The following ADGRV1 variants were observed in gnomAD, a reference collection of about 807,000 sequenced individuals.
The protein encoded by ADGRV1 is G-protein coupled receptor 98.
In ADGRV1, 359 loss-of-function variants were observed where a neutral mutation model predicts 596.2. That is an observed-to-expected ratio of 0.60 (90% confidence interval 0.55 to 0.66). The LOEUF (loss-of-function observed/expected upper bound fraction) is 0.66. Among genes scored for constraint, ADGRV1 ranks in the 30% least tolerant of loss-of-function variants. The pLI, the probability that ADGRV1 is intolerant of heterozygous loss-of-function variation, is 0.00. For missense variants in ADGRV1, 7,274 were observed against 7,575.6 expected, an observed-to-expected ratio of 0.96 and a Z score of 1.48; for synonymous variants, 2,681 against 2,679.2, an observed-to-expected ratio of 1.00 and a Z score of -0.02.
intron 17 of ADGRV1, among the ~76,000 whole-genome samples, chr5:90,651,019 A>G (rs1768531181): frequency 6.6e-6 from 1 of 152,158 alleles, no homozygotes; most frequent in African/African-American, 2.4e-5. Context: ...GTGCCAATAT[A>G]CTGTGCAAAG....
chr5:91,098,585 G>A (rs1258849281), intron 86 of ADGRV1, among the ~76,000 whole-genome samples: 1 of 152,164 alleles, frequency 6.6e-6, no homozygotes. Context: ...TGGAAGGCAA[G>A]CCTGGGATCT....
intron 83 of ADGRV1, among the ~76,000 whole-genome samples, chr5:90,948,956 A>G (rs1776834737): frequency 6.6e-6 from 1 of 152,122 alleles, no homozygotes; most frequent in South Asian, 2.1e-4. Context: ...CAGCTTTATT[A>G]ACACTAGCAT....
rs983149548 is a variant in ADGRV1 at position 90,620,625 on chromosome 5, T to G, written c.453+1444T>G. 6.6e-5 allele frequency among the ~76,000 whole-genome samples: 10 copies of G among 152,070 alleles called. No homozygotes were observed. In the South Asian group the frequency reaches 8.3e-4, roughly 13 times the overall value. The stretch of plus-strand genomic sequence containing the variant: ...AATTAGATCCCATTTGTCAATTTTG[T>G]CTTTTGTTGCCATTGCTTTTGGTGT... On this transcript the variant is annotated intron_variant, in intron 4 of 89. Coordinates refer to ENST00000405460, the MANE Select transcript of ADGRV1 (RefSeq NM_032119.4).
chr5:90,870,541 G>T (rs572802520), intron 83 of ADGRV1, among the ~76,000 whole-genome samples: 1 of 152,308 alleles, frequency 6.6e-6, no homozygotes, highest in South Asian at 2.1e-4. Context: ...ATCATGAGGA[G>T]ATTAGTCCTC....
At chr5:91,118,038 A>G (rs1793003861) in intron 87 of ADGRV1, among the ~76,000 whole-genome samples, 1 of 152,160 alleles carries the variant, frequency 6.6e-6, no homozygotes, top group South Asian at 2.1e-4. Context: ...TCTTAGCAAT[A>G]ATAATAATTT....
intron 87 of ADGRV1, among the ~76,000 whole-genome samples, chr5:91,137,483 G>GA (rs1443694127): frequency 3.3e-5 from 5 of 152,272 alleles, no homozygotes; most frequent in Admixed American, 3.3e-4. Context: ...TATTTTAACT[G>GA]AGTGTAGCTC....
At chr5:90,871,564 C>T (rs1768685771) in intron 83 of ADGRV1, among the ~76,000 whole-genome samples, 1 of 152,192 alleles carries the variant, frequency 6.6e-6, no homozygotes, top group African/African-American at 2.4e-5. Flanking sequence ...GTGACATTAT[C>T]ATGTTTGCAA....
At chr5:90,561,286 G>A (rs995237182) in intron 1 of ADGRV1, among the ~76,000 whole-genome samples, 1 of 152,094 alleles carries the variant, frequency 6.6e-6, no homozygotes, top group Non-Finnish European at 1.5e-5. Context: ...AGCACTGGAA[G>A]GAGACTTGGA....
intron 86 of ADGRV1, among the ~76,000 whole-genome samples, chr5:91,084,921 C>T (rs1444773561): frequency 6.6e-6 from 1 of 152,166 alleles, no homozygotes; most frequent in Non-Finnish European, 1.5e-5. Context: ...GAGTTCATGT[C>T]CTTTGTGGGG....
At chr5:90,807,897 G>A (rs1029883087) in intron 73 of ADGRV1, among the ~76,000 whole-genome samples, 160 bp downstream of exon 73, 1 of 152,220 alleles carries the variant, frequency 6.6e-6, no homozygotes, top group Non-Finnish European at 1.5e-5. Context: ...AGAGGGAGGT[G>A]GCTCTTAGGA....
At chr5:90,621,585 T>C (rs1439331694) in intron 4 of ADGRV1, among the ~76,000 whole-genome samples, 3 of 152,182 alleles carry the variant, frequency 2.0e-5, no homozygotes, top group African/African-American at 4.8e-5. Flanking sequence ...ACCTCCGACC[T>C]CATACTGATT....
chr5:90,705,002 G>A (rs1462920162), intron 36 of ADGRV1, among the ~76,000 whole-genome samples: 1 of 151,934 alleles, frequency 6.6e-6, no homozygotes, highest in African/African-American at 2.4e-5. Flanking sequence ...TAGAGATGGG[G>A]TTTCACCATG....
At chr5:91,072,351 C>G in intron 85 of ADGRV1, 96 bp from the exon 86 acceptor site, 1 of 1,105,968 alleles carries the variant, frequency 9.0e-7, no homozygotes, top group Non-Finnish European at 1.4e-6. Flanking sequence ...CATCTGGATA[C>G]AAAGAGCTAG....
Position 90,690,690 on chromosome 5 carries a change from T to TA in ADGRV1, c.6707-106dup, listed in dbSNP as rs1409299055. ...CTGGTTTTTGTGGGTTATAGCTACT[T>TA]AGATTGCTTAGGGGGGAAGAGAATC... On this transcript the variant is annotated intron_variant, in intron 30 of 89. Coordinates refer to ENST00000405460, the MANE Select transcript of ADGRV1 (RefSeq NM_032119.4). 3 of 1,148,154 alleles carry TA rather than the reference T, an allele frequency of 2.6e-6. No homozygotes were observed. In the African/African-American group the frequency reaches 4.6e-5, roughly 18 times the overall value. The allele number at this position is 1,148,154 out of a possible 1,614,324, so 71.1% of individuals were successfully genotyped here. A position where few individuals can be genotyped will look rare whatever the true frequency, so the allele number is the denominator to read the frequency against.
intron 50 of ADGRV1, among the ~76,000 whole-genome samples, chr5:90,740,452 A>C (rs1753815285): frequency 6.6e-6 from 1 of 152,182 alleles, no homozygotes; most frequent in South Asian, 2.1e-4. Context: ...AATTATCAAC[A>C]TGCCGCTATC....
chr5:90,627,805 C>A, intron 7 of ADGRV1, 29 bp downstream of exon 7: 2 of 1,285,798 alleles, frequency 1.6e-6, no homozygotes, highest in South Asian at 1.7e-5. Context: ...ATATTGCTAC[C>A]ATTATTTTAT....
intron 79 of ADGRV1, among the ~76,000 whole-genome samples, chr5:90,851,820 G>A (rs1766562050): frequency 6.6e-6 from 1 of 152,202 alleles, no homozygotes; most frequent in Admixed American, 6.5e-5. Context: ...TCAAGCTTAG[G>A]AAGAGTCACT....
At position 90,783,272 on chromosome 5, in the gene ADGRV1, G is replaced by T. The variant is rs1173522564; in HGVS notation, c.13380G>T (p.Gln4460His). Residue 4460 changes from glutamine to histidine, a missense_variant, in exon 66 of 90, where the codon CAG becomes CAT. Transcript: ENST00000405460. ...TGCATGGCAGTACAGTCACCTTTCA[G>T]CATGGGCAAAACTTAAGTTTTATAA... is the stretch of plus-strand genomic sequence containing the variant. ...YILHGSTVTF[Q>H]HGQNLSFINI... The T allele has an allele frequency of 6.2e-7, 1 of 1,613,498 alleles. No individual in the cohort carries two copies. The highest frequency in any genetic ancestry group is 1.7e-5 in the Admixed American group (1 of 59,958).
intron 9 of ADGRV1, among the ~76,000 whole-genome samples, chr5:90,630,953 C>T (rs900815421): frequency 5.9e-5 from 9 of 151,988 alleles, no homozygotes; most frequent in African/African-American, 1.7e-4. Flanking sequence ...TGATCTGTTG[C>T]GTTTCTCTTT....
Sources: gnomAD v4.1 joint callset for allele counts (sites outside exome capture counted in the v4.1 genomes callset) on GRCh38, gnomAD v4.1.1 for gene constraint, MANE v1.5 for transcripts, NCBI Gene and HGNC (gene_info 2026-07-23, HGNC 2026-07-21) for gene names.